Variants in CNTN5 observed in about 807,000 individuals in gnomAD.
CNTN5 encodes the protein contactin 5.
A neutral mutation model predicts 129.1 loss-of-function variants in CNTN5; 77 were observed. The ratio of observed to expected loss-of-function variants is 0.60; its 90% CI spans 0.50 to 0.72. The LOEUF is 0.72. Ranked by LOEUF, CNTN5 falls within the 30% of genes least tolerant of loss-of-function variation. The pLI is 0.00. For missense variants in CNTN5, 1,478 were observed against 1,328.8 expected (o/e 1.11, Z -1.75); for synonymous variants, 509 against 465.6 (o/e 1.09, Z -1.20).
chr11:99,026,343 T>C (rs1863105639), intron 1 of CNTN5, among the ~76,000 whole-genome samples: 1 of 151,640 alleles, frequency 6.6e-6, no homozygotes, highest in African/African-American at 2.4e-5. Flanking sequence ...TTATCTCCCA[T>C]ATAGCAAAAA....
chr11:99,213,410 A>G (rs1166634729), intron 1 of CNTN5, among the ~76,000 whole-genome samples: 2 of 130,070 alleles, frequency 1.5e-5, no homozygotes, highest in Non-Finnish European at 1.7e-5. Context: ...ATACACATAT[A>G]TGTATATACA....
chr11:99,111,953 A>C (rs747540307), intron 1 of CNTN5, among the ~76,000 whole-genome samples: 3 of 152,072 alleles, frequency 2.0e-5, no homozygotes, highest in Non-Finnish European at 4.4e-5. Flanking sequence ...TTCACTAAGC[A>C]TATTATTTTG....
chr11:99,201,229 T>C (rs943962194), intron 1 of CNTN5, among the ~76,000 whole-genome samples: 1 of 151,688 alleles, frequency 6.6e-6, no homozygotes, highest in Non-Finnish European at 1.5e-5. Context: ...TTTCACCATA[T>C]TGGCCAGGCT....
At chr11:99,478,158 C>T (rs1030023195) in intron 2 of CNTN5, among the ~76,000 whole-genome samples, 3 of 152,052 alleles carry the variant, frequency 2.0e-5, no homozygotes, top group African/African-American at 7.2e-5. Context: ...TGGGTAGAGT[C>T]TGGGCATGGC....
At chr11:99,804,893 C>T (rs1946222914) in intron 3 of CNTN5, among the ~76,000 whole-genome samples, 1 of 150,692 alleles carries the variant, frequency 6.6e-6, no homozygotes, top group Admixed American at 6.6e-5. Flanking sequence ...AAACCACCAA[C>T]ATTACATTTT....
At chr11:99,370,342 C>T (rs552209342) in intron 2 of CNTN5, among the ~76,000 whole-genome samples, 2 of 152,224 alleles carry the variant, frequency 1.3e-5, no homozygotes, top group South Asian at 4.1e-4. Context: ...ATTCAAGGAT[C>T]GCAAGTTTTT....
Position 99,115,407 on chromosome 11 carries a change from A to G in CNTN5, c.-210+94137A>G, listed in dbSNP as rs559982390. Among the ~76,000 whole-genome samples the G allele has an allele frequency of 8.5e-5, 13 of 152,282 alleles. No individual in the cohort carries two copies. The South Asian group carries it at 2.7e-3, about 32-fold the overall frequency. On this transcript the variant is annotated intron_variant, in intron 1 of 24. Coordinates refer to ENST00000524871, the MANE Select transcript of CNTN5 (RefSeq NM_014361.4). ...TATAGTATACATTTTTAAAATTTAG[A>G]GGTAAAATATAAATTAGAAATCAGT...
intron 2 of CNTN5, among the ~76,000 whole-genome samples, chr11:99,436,723 A>C (rs1426821512): frequency 1.3e-5 from 2 of 152,126 alleles, no homozygotes; most frequent in African/African-American, 4.8e-5. Flanking sequence ...ATACTCAAAA[A>C]TTCAACATTT....
At chr11:99,182,200 A>T (rs763647155) in intron 1 of CNTN5, among the ~76,000 whole-genome samples, 5 of 152,150 alleles carry the variant, frequency 3.3e-5, no homozygotes, top group Non-Finnish European at 5.9e-5. Context: ...TTTCCCATTA[A>T]TTTTTCATAT....
Position 100,287,340 on chromosome 11 carries a change from T to C in CNTN5, c.2315-10285T>C, listed in dbSNP as rs1208652703. Among the ~76,000 whole-genome samples the C allele has an allele frequency of 7.3e-5, 11 of 150,728 alleles. 1 individual carries two copies. The highest frequency in any genetic ancestry group is 1.6e-4 in the Non-Finnish European group (11 of 67,428). On this transcript the variant is annotated intron_variant, in intron 18 of 24. Coordinates refer to ENST00000524871, the MANE Select transcript of CNTN5 (RefSeq NM_014361.4). The stretch of plus-strand genomic sequence containing the variant: ...CAAAGTTGAAATGAAGGAAAAAATG[T>C]TAAGGGCAGCCAGAGAGAAAGGTCG...
At chr11:100,319,125 A>G (rs1565425596) in intron 21 of CNTN5, among the ~76,000 whole-genome samples, 1 of 149,590 alleles carries the variant, frequency 6.7e-6, no homozygotes, top group Admixed American at 6.6e-5. Flanking sequence ...AAAAAACACT[A>G]TCCTGACTTC....
At chr11:99,477,528 TAGAG>T (rs1945420904) in intron 2 of CNTN5, among the ~76,000 whole-genome samples, 2 of 151,978 alleles carry the variant, frequency 1.3e-5, no homozygotes, top group Admixed American at 6.6e-5. Flanking sequence ...TTCACATATA[TAGAG>T]ACAGAAATGG....
intron 2 of CNTN5, among the ~76,000 whole-genome samples, chr11:99,360,602 T>C (rs1939038729): frequency 6.6e-6 from 1 of 152,134 alleles, no homozygotes; most frequent in Non-Finnish European, 1.5e-5. Flanking sequence ...CATACTTGAG[T>C]TTTGCCTTTC....
intron 1 of CNTN5, among the ~76,000 whole-genome samples, chr11:99,106,483 A>G (rs375133891): frequency 6.6e-6 from 1 of 152,058 alleles, no homozygotes; most frequent in South Asian, 2.1e-4. Context: ...GGAGAATATT[A>G]AATGGAATGT....
chr11:99,342,590 A>C (rs868014083), intron 2 of CNTN5, among the ~76,000 whole-genome samples: 3,099 of 145,176 alleles, frequency 0.021, 97 homozygotes, highest in Middle Eastern at 0.043. Flanking sequence ...AAAAAAAAAA[A>C]AAAAAAAAAA....
chr11:99,465,873 C>CG (rs1491145705), intron 2 of CNTN5, among the ~76,000 whole-genome samples: 1 of 80,358 alleles, frequency 1.2e-5, no homozygotes, highest in Non-Finnish European at 2.4e-5. Context: ...GTGCCACACA[C>CG]CTTTTTTTTT....
intron 6 of CNTN5, among the ~76,000 whole-genome samples, chr11:99,855,542 T>C: frequency 6.6e-6 from 1 of 152,180 alleles, no homozygotes; most frequent in East Asian, 1.9e-4. Context: ...CACAGCTTCA[T>C]GGACATGACA....
At chr11:99,880,672 G>A (rs1948748889) in intron 6 of CNTN5, among the ~76,000 whole-genome samples, 1 of 152,066 alleles carries the variant, frequency 6.6e-6, no homozygotes, top group African/African-American at 2.4e-5. Context: ...ACTATGAATT[G>A]CTTTTGTCCT....
intron 3 of CNTN5, among the ~76,000 whole-genome samples, chr11:99,644,410 A>G (rs1034483738): frequency 4.6e-5 from 7 of 152,320 alleles, no homozygotes; most frequent in African/African-American, 1.7e-4. Context: ...CAGTAGAACC[A>G]TATTTAGCTC....
Sources: allele counts gnomAD v4.1 joint callset (sites outside exome capture counted in the v4.1 genomes callset), GRCh38; gene constraint gnomAD v4.1.1; transcripts MANE v1.5; gene names NCBI Gene and HGNC (gene_info 2026-07-23, HGNC 2026-07-21).